The following VPS13B variants were observed in gnomAD, a reference collection of about 807,000 sequenced individuals.
VPS13B encodes vacuolar protein sorting 13 homolog B.
In VPS13B, 285 loss-of-function variants were observed where a neutral mutation model predicts 426.4. That is an observed-to-expected ratio of 0.67 (90% CI 0.61 to 0.74). The LOEUF (loss-of-function observed/expected upper bound fraction) is 0.74. Among genes scored for constraint, VPS13B ranks in the 30% least tolerant of loss-of-function variants. The pLI is 0.00. For missense variants in VPS13B, 4,537 were observed against 4,782.6 expected (o/e 0.95, Z 1.51); for synonymous variants, 1,676 against 1,676.4 (o/e 1.00, Z 0.01).
intron 3 of VPS13B, among the ~76,000 whole-genome samples, chr8:99,082,824 T>A (rs1047159734): frequency 1.3e-5 from 2 of 152,200 alleles, no homozygotes; most frequent in Admixed American, 6.6e-5. Context: ...GATCTACATC[T>A]CTGTTTTGGT....
chr8:99,736,836 C>T (rs1435361739), intron 39 of VPS13B, among the ~76,000 whole-genome samples: 3 of 152,094 alleles, frequency 2.0e-5, no homozygotes, highest in Non-Finnish European at 4.4e-5. Flanking sequence ...TAATCTCGTT[C>T]AGTCCTCATG....
chr8:99,699,438 CTT>C (rs1438431406), intron 35 of VPS13B, 85 bp from the exon 36 acceptor site: 1 of 1,468,098 alleles, frequency 6.8e-7, no homozygotes, highest in East Asian at 2.4e-5. Flanking sequence ...TCTTGGGACA[CTT>C]TTATGTAGGA....
intron 33 of VPS13B, among the ~76,000 whole-genome samples, chr8:99,596,055 A>G (rs1442259326): frequency 6.6e-6 from 1 of 151,960 alleles, no homozygotes; most frequent in Non-Finnish European, 1.5e-5. Context: ...CTTACACTGG[A>G]CCAGAATGTT....
At chr8:99,282,161 C>G (rs1052398690) in intron 19 of VPS13B, among the ~76,000 whole-genome samples, 7 of 152,140 alleles carry the variant, frequency 4.6e-5, no homozygotes, top group African/African-American at 1.7e-4. Context: ...TTCTTCCCTG[C>G]ACATGGTTGA....
At position 99,511,212 on chromosome 8, in the gene VPS13B, G is replaced by A; in HGVS notation, c.4333G>A (p.Glu1445Lys). The A allele has an allele frequency of 1.2e-6, 2 of 1,614,054 alleles. No homozygotes were observed. Among genetic ancestry groups the A allele is most frequent in the Non-Finnish European group, 1.7e-6 (2 of 1,179,990 alleles). ...NVRHKLTSRNERRSFHKLSEG... is the reference protein window; with the variant it reads ...NVRHKLTSRNKRRSFHKLSEG... ...CCGCCACAAGTTAACATCAAGAAAT[G>A]AGCGAAGAAGTTTTCATAAGTTATC... Residue 1445 changes from glutamate to lysine, a missense_variant, in exon 29 of 62, where the codon GAG becomes AAG. Coordinates refer to ENST00000357162, the MANE Select transcript of VPS13B (RefSeq NM_152564.5).
intron 3 of VPS13B, among the ~76,000 whole-genome samples, chr8:99,095,951 C>G (rs1846391623): frequency 6.6e-6 from 1 of 151,932 alleles, no homozygotes. Context: ...AATTAAGAAC[C>G]TTTTTATTTA....
intron 2 of VPS13B, among the ~76,000 whole-genome samples, chr8:99,023,439 G>T (rs569322354): frequency 6.6e-6 from 1 of 150,660 alleles, no homozygotes; most frequent in East Asian, 1.9e-4. Context: ...TGGCATAATA[G>T]TATTCCGTTG....
At chr8:99,022,656 A>G (rs906459015) in intron 2 of VPS13B, among the ~76,000 whole-genome samples, 4 of 152,116 alleles carry the variant, frequency 2.6e-5, no homozygotes, top group African/African-American at 7.2e-5. Flanking sequence ...GTAAATCCAT[A>G]TGGATTTTCA....
At chr8:99,481,857 T>G in intron 25 of VPS13B, 55 bp downstream of exon 25, 2 of 1,581,622 alleles carry the variant, frequency 1.3e-6, no homozygotes, top group South Asian at 1.1e-5. Context: ...TAACACAGAT[T>G]TCCAGATCAT....
chr8:99,849,289 C>G (rs748532340), intron 55 of VPS13B, among the ~76,000 whole-genome samples: 52 of 152,312 alleles, frequency 3.4e-4, no homozygotes, highest in Non-Finnish European at 5.6e-4. Flanking sequence ...TTCCACCCCC[C>G]ACTTTGACCT....
chr8:99,059,167 C>T (rs1844042551), intron 3 of VPS13B, among the ~76,000 whole-genome samples: 1 of 152,130 alleles, frequency 6.6e-6, no homozygotes, highest in Non-Finnish European at 1.5e-5. Flanking sequence ...GAGAAGGTCT[C>T]ACTCTGTTGC....
intron 21 of VPS13B, among the ~76,000 whole-genome samples, chr8:99,418,236 T>C (rs1816144304): frequency 6.6e-6 from 1 of 152,130 alleles, no homozygotes; most frequent in African/African-American, 2.4e-5. Flanking sequence ...TTTTGACATG[T>C]TGAAATTAGG....
At chr8:99,335,022 C>T (rs996891897) in intron 19 of VPS13B, among the ~76,000 whole-genome samples, 1 of 152,098 alleles carries the variant, frequency 6.6e-6, no homozygotes, top group Admixed American at 6.6e-5. Flanking sequence ...TTGATTATTG[C>T]CACAATTTCA....
In VPS13B at chr8:99,520,909, A is replaced by G; in HGVS notation, c.4644A>G (p.Ala1548=). ...CTTCTTTTGTTACAGCTAATCAGGC[A>G]GCAAAAGAAGACACTGTGGTTTTGA... ...EMQPTVEANQ[A]AKEDTVVLKI... is the part of the protein sequence containing the mutation. Residue 1548 remains alanine, a synonymous_variant, in exon 30 of 62, where the codon GCA becomes GCG. Coordinates refer to ENST00000357162, the MANE Select transcript of VPS13B (RefSeq NM_152564.5). 1 of 1,613,758 alleles carries G rather than the reference A, an allele frequency of 6.2e-7. No individual in the cohort carries two copies. The highest frequency in any genetic ancestry group is 8.5e-7 in the Non-Finnish European group (1 of 1,179,682).
At chr8:99,444,610 A>C (rs1817824652) in intron 23 of VPS13B, among the ~76,000 whole-genome samples, 1 of 152,120 alleles carries the variant, frequency 6.6e-6, no homozygotes. Flanking sequence ...ATGACTAATA[A>C]TGTTGAACTT....
intron 19 of VPS13B, among the ~76,000 whole-genome samples, chr8:99,376,979 A>G (rs1427579941): frequency 1.3e-5 from 2 of 152,078 alleles, no homozygotes; most frequent in African/African-American, 4.8e-5. Flanking sequence ...TAGGTAACAT[A>G]TATGTAAGTA....
At chr8:99,741,596 G>T (rs1018891092) in intron 39 of VPS13B, among the ~76,000 whole-genome samples, 6 of 152,106 alleles carry the variant, frequency 3.9e-5, no homozygotes, top group Non-Finnish European at 7.4e-5. Context: ...TCAGCAAATG[G>T]AAAAGAACAG....
chr8:99,838,650 G>A (rs1035775816), intron 54 of VPS13B, among the ~76,000 whole-genome samples: 4 of 152,212 alleles, frequency 2.6e-5, no homozygotes, highest in African/African-American at 7.2e-5. Context: ...AAGTTTACCT[G>A]TGGAGGAGAT....
chr8:99,637,883 A>C (rs1437100274), intron 33 of VPS13B, among the ~76,000 whole-genome samples: 1 of 152,118 alleles, frequency 6.6e-6, no homozygotes, highest in Non-Finnish European at 1.5e-5. Context: ...ATAAAGCTTG[A>C]GTTCTTGATT....
Sources: gnomAD v4.1 joint callset for allele counts (sites outside exome capture counted in the v4.1 genomes callset) on GRCh38, gnomAD v4.1.1 for gene constraint, MANE v1.5 for transcripts, NCBI Gene and HGNC (gene_info 2026-07-23, HGNC 2026-07-21) for gene names.